RNH1: variants seen among roughly 807,000 people sequenced by gnomAD.
RNH1 encodes ribonuclease/angiogenin inhibitor 1.
RNH1 carries 38 observed loss-of-function variants against 46.1 expected under a neutral mutation model. The ratio of observed to expected loss-of-function variants is 0.82; its 90% confidence interval spans 0.64 to 1.08. The LOEUF is 1.08. Ranked by LOEUF, RNH1 falls within the 50% of genes least tolerant of loss-of-function variation. The probability of loss-of-function intolerance (pLI) is 0.00; values close to 1 mark genes in which losing one functional copy is unlikely to be tolerated. For synonymous variants in RNH1, 319 were observed against 279.1 expected (o/e 1.14, Z -1.43); for missense variants, 577 against 590.7 (o/e 0.98, Z 0.24).
chr11:500,029 C>T (rs773061209), intron 4 of RNH1, 30 bp from the exon 5 acceptor site: 2 of 1,509,878 alleles, frequency 1.3e-6, no homozygotes, highest in Non-Finnish European at 1.8e-6. Context: ...CAGCAGGGCT[C>T]CCCTGAGCCA....
At chr11:500,844 C>T (rs1216688396) in intron 3 of RNH1, 190 bp from the exon 4 acceptor site, 6 of 748,986 alleles carry the variant, frequency 8.0e-6, no homozygotes, top group Admixed American at 6.0e-5. Flanking sequence ...GATGCTCGCA[C>T]GTGGCCAGGC....
Position 499,860 on chromosome 11 carries a change from G to A in RNH1, c.412C>T (p.Leu138=), listed in dbSNP as rs756997567. The A allele has an allele frequency of 1.9e-6, 3 of 1,612,034 alleles. No homozygotes were observed. The highest frequency in any genetic ancestry group is 1.1e-5 in the South Asian group (1 of 90,922). ...TTTTCCAGGCGGCACTGGGGGTCCA[G>A]GAGTCCTTCGCAGAGCAGCTGCAGG... The part of the protein sequence containing the change: ...AGLQLLCEGL[L]DPQCRLEKLQ... Residue 138 remains leucine, a synonymous_variant, in exon 5 of 11, where the codon CTG becomes TTG. Coordinates refer to ENST00000354420, the MANE Select transcript of RNH1 (RefSeq NM_203387.3).
chr11:498,904 T>A lies in RNH1; in HGVS notation c.644A>T (p.Asn215Ile). The part of the protein sequence containing the change: ...KLESCGVTSD[N>I]CRDLCGIVAS... The stretch of plus-strand genomic sequence containing the variant: ...CACAATGCCGCACAGGTCCCGGCAG[T>A]TGTCTGATGTCACACCGCAGCTCTC... The change falls in exon 7 of 11, where the codon AAC becomes ATC. Residue 215 changes from asparagine to isoleucine, a missense_variant. Transcript: ENST00000354420. 3 of 1,612,626 alleles carry A rather than the reference T, an allele frequency of 1.9e-6. No individual in the cohort carries two copies. In the South Asian group the frequency reaches 3.3e-5, roughly 18 times the overall value.
intron 9 of RNH1, among the ~76,000 whole-genome samples, chr11:497,214 C>CACAT (rs201897767): frequency 2.1e-5 from 3 of 144,298 alleles, no homozygotes; most frequent in Admixed American, 1.3e-4. Context: ...CATGTGCTCA[C>CACAT]GTACTCTCGC....
At chr11:497,896 G>A in intron 9 of RNH1, 75 bp downstream of exon 9, 1 of 1,516,134 alleles carries the variant, frequency 6.6e-7, no homozygotes, top group South Asian at 1.2e-5. Context: ...AGATACTCGT[G>A]CACTCTCGCC....
intron 9 of RNH1, among the ~76,000 whole-genome samples, chr11:496,647 C>G (rs985629533): frequency 6.6e-6 from 1 of 152,044 alleles, no homozygotes; most frequent in African/African-American, 2.4e-5. Context: ...CCAGCCTGGG[C>G]GACAGAGCAA....
chr11:506,539 C>T (rs1850285471), intron 1 of RNH1: 1 of 152,234 alleles, frequency 6.6e-6, no homozygotes, highest in African/African-American at 2.4e-5. Context: ...CCGGTGGTCC[C>T]GGAGCGAAGC....
In RNH1 at chr11:497,885, CAGAT is replaced by C. The variant is rs1017943034; in HGVS notation, c.1127+82_1127+85del. ...ATACACACGGACACTCGTGCTCACA[CAGAT>C]ACTCGTGCACTCTCGCCCTTGTGTG... is the stretch of plus-strand genomic sequence containing the variant. On this transcript the variant is annotated intron_variant, in intron 9 of 10. Transcript: ENST00000354420. 198 of 1,474,124 alleles carry C rather than the reference CAGAT, an allele frequency of 1.3e-4. 1 individual carries two copies. The Admixed American group carries it at 3.5e-3, about 26-fold the overall frequency. 91.3% of individuals were successfully genotyped at this position (1,474,124 alleles called of 1,614,324 possible). A position where few individuals can be genotyped will look rare whatever the true frequency, so the allele number is the denominator to read the frequency against.
Position 498,761 on chromosome 11 carries a change from A to G in RNH1, c.785+2T>C. 2 of 1,595,688 alleles carry G rather than the reference A, an allele frequency of 1.3e-6. No individual in the cohort carries two copies. The highest frequency in any genetic ancestry group is 1.1e-5 in the South Asian group (1 of 90,524). ...GAAGGAGGCCTCGCGGAGATGACTC[A>G]CCACAGGGTCCTGAGCCTGGAGCTG... On this transcript the variant is annotated splice_donor_variant, in intron 7 of 10. Coordinates refer to ENST00000354420, the MANE Select transcript of RNH1 (RefSeq NM_203387.3). LOFTEE classifies it high-confidence loss of function.
chr11:499,176 A>G lies in RNH1; in HGVS notation c.453T>C (p.Tyr151=), dbSNP rs148836289. ...CGCAGCTGGCAGCCGAGAGGCTGCA[A>G]TACTCCAGCCTGGGGGACAGCAGAG... ...QCRLEKLQLE[Y]CSLSAASCEP... The change falls in exon 6 of 11, where the codon TAT becomes TAC. Residue 151 remains tyrosine (Y), a synonymous_variant. Coordinates refer to ENST00000354420, the MANE Select transcript of RNH1 (RefSeq NM_203387.3). 1.5e-5 allele frequency: 24 copies of G among 1,612,360 alleles called. No individual in the cohort carries two copies. The African/African-American group carries it at 2.5e-4, about 17-fold the overall frequency.
At chr11:500,342 C>T in intron 4 of RNH1, 142 bp downstream of exon 4, 2 of 1,013,920 alleles carry the variant, frequency 2.0e-6, no homozygotes, top group Non-Finnish European at 2.9e-6. Flanking sequence ...GGCCTGTGTG[C>T]CTCTGGCTGA....
chr11:497,612 T>C (rs1451225070), intron 9 of RNH1, among the ~76,000 whole-genome samples: 2 of 131,604 alleles, frequency 1.5e-5, no homozygotes, highest in Non-Finnish European at 3.2e-5. Flanking sequence ...CTGACCCTCG[T>C]GCTCACTCTC....
At chr11:498,971 C>T (rs759333998) in intron 6 of RNH1, 38 bp from the exon 7 acceptor site, 9 of 1,611,108 alleles carry the variant, frequency 5.6e-6, no homozygotes, top group East Asian at 2.2e-5. Context: ...GCACGGGACC[C>T]CCCCTAGCCC....
chr11:495,260 CA>C (rs1373307409), intron 9 of RNH1, among the ~76,000 whole-genome samples: 5 of 152,234 alleles, frequency 3.3e-5, no homozygotes, highest in African/African-American at 1.2e-4. Context: ...AAGCGAGGCA[CA>C]AGCAGCCTCA....
At chr11:499,337 C>A in intron 5 of RNH1, 152 bp from the exon 6 acceptor site, 1 of 799,506 alleles carries the variant, frequency 1.3e-6, no homozygotes, top group Non-Finnish European at 2.0e-6. Flanking sequence ...CAGACTCATC[C>A]AGAGGCCCGG....
chr11:500,303 G>C, intron 4 of RNH1, 181 bp downstream of exon 4: 1 of 776,406 alleles, frequency 1.3e-6, no homozygotes, highest in Non-Finnish European at 2.0e-6. Flanking sequence ...GGCAGGAAGG[G>C]CCCTGTCCCC....
At chr11:494,845 A>G in intron 10 of RNH1, 38 bp downstream of exon 10, 3 of 1,604,672 alleles carry the variant, frequency 1.9e-6, no homozygotes, top group Non-Finnish European at 2.6e-6. Context: ...CTCCCTGGGC[A>G]GCCCTGGCCG....
rs771372547 is a variant in RNH1, at chr11:499,897, C to G, written c.375G>C (p.Leu125Phe). 1 of 1,613,302 alleles carries G rather than the reference C, an allele frequency of 6.2e-7. No individual in the cohort carries two copies. Among genetic ancestry groups the G allele is most frequent in the Non-Finnish European group, 8.5e-7 (1 of 1,179,956 alleles). The change falls in exon 5 of 11, where the codon TTG becomes TTC. Residue 125 changes from leucine (L) to phenylalanine (F), a missense_variant. Leu to Phe is a conservative substitution (Grantham distance 22). Transcript: ENST00000354420. The stretch of plus-strand genomic sequence containing the variant: ...AGAGCAGCTGCAGGCCCGCATCCCC[C>G]AAGAGGTTGTCGCTGAGGTGCAGCT... ...LQELHLSDNL[L>F]GDAGLQLLCE...
At chr11:505,469 T>C (rs997319621) in intron 1 of RNH1, 23 of 152,198 alleles carry the variant, frequency 1.5e-4, no homozygotes, top group Admixed American at 5.9e-4. Context: ...CCTCTAGAAG[T>C]TGGAAGAGGA....
Sources: allele counts gnomAD v4.1 joint callset (sites outside exome capture counted in the v4.1 genomes callset), GRCh38; gene constraint gnomAD v4.1.1; transcripts MANE v1.5; gene names NCBI Gene and HGNC (gene_info 2026-07-23, HGNC 2026-07-21).